GMPR: variants seen among roughly 807,000 people sequenced by gnomAD.
GMPR encodes guanosine monophosphate reductase.
A neutral mutation model predicts 38.4 loss-of-function variants in GMPR; 31 were observed. The observed-to-expected ratio is 0.81, with a 90% confidence interval of 0.61 to 1.09. The LOEUF (loss-of-function observed/expected upper bound fraction) is 1.09, where lower values mean the gene tolerates loss of function less well. GMPR is among the 50% of genes least tolerant of loss of function. The pLI, the probability that GMPR is intolerant of heterozygous loss-of-function variation, is 0.00. For missense variants in GMPR, 468 were observed against 453.7 expected, an observed-to-expected ratio of 1.03 and a Z score of -0.29; for synonymous variants, 162 against 173.3, an observed-to-expected ratio of 0.93 and a Z score of 0.51.
intron 2 of GMPR, among the ~76,000 whole-genome samples, chr6:16,249,007 A>T (rs1758812192): frequency 6.6e-6 from 1 of 152,100 alleles, no homozygotes; most frequent in Non-Finnish European, 1.5e-5. Context: ...AAAGTCATAG[A>T]AGTTTAGAAT....
At chr6:16,266,385 C>T (rs1429153404) in intron 4 of GMPR, among the ~76,000 whole-genome samples, 6 of 106,296 alleles carry the variant, frequency 5.6e-5, no homozygotes, top group East Asian at 3.0e-4. Flanking sequence ...GGTGGCACGT[C>T]GGACGTGCCA....
intron 4 of GMPR, chr6:16,262,225 AG>A (rs934128612): frequency 2.6e-5 from 4 of 151,588 alleles, no homozygotes; most frequent in Non-Finnish European, 5.9e-5. Flanking sequence ...ATGGTCTTGT[AG>A]GGGGCTTCCG....
chr6:16,285,093 G>C (rs1348676538), intron 6 of GMPR, among the ~76,000 whole-genome samples: 1 of 147,502 alleles, frequency 6.8e-6, no homozygotes, highest in African/African-American at 2.5e-5. Context: ...TAGAAGACTT[G>C]TACTGTGTAG....
chr6:16,242,149 A>G (rs1269852916), intron 1 of GMPR, among the ~76,000 whole-genome samples: 1 of 152,216 alleles, frequency 6.6e-6, no homozygotes, highest in Non-Finnish European at 1.5e-5. Context: ...AGGACAGAGA[A>G]GACACAACAG....
At chr6:16,239,194 TTGC>T (rs1485074529) in intron 1 of GMPR, among the ~76,000 whole-genome samples, 3 of 152,122 alleles carry the variant, frequency 2.0e-5, no homozygotes, top group African/African-American at 7.2e-5. Flanking sequence ...GTGCTGATAA[TTGC>T]TGCTGCTTTC....
intron 8 of GMPR, among the ~76,000 whole-genome samples, chr6:16,291,063 G>A (rs994335480): frequency 3.9e-5 from 6 of 152,224 alleles, no homozygotes; most frequent in South Asian, 2.1e-4. Context: ...ACCACTGCAC[G>A]GTGGCCAGGC....
At chr6:16,267,645 G>A (rs1442171974) in intron 4 of GMPR, among the ~76,000 whole-genome samples, 1 of 152,164 alleles carries the variant, frequency 6.6e-6, no homozygotes, top group Non-Finnish European at 1.5e-5. Context: ...GCAGCCGAAG[G>A]TCTGTGGCTC....
intron 6 of GMPR, among the ~76,000 whole-genome samples, chr6:16,283,626 T>C (rs2113700448): frequency 6.6e-6 from 1 of 152,308 alleles, no homozygotes; most frequent in Non-Finnish European, 1.5e-5. Flanking sequence ...TTGTATTAAC[T>C]GTGGATCTCT....
chr6:16,243,031 AT>A (rs1484458263), intron 1 of GMPR, among the ~76,000 whole-genome samples: 10 of 151,968 alleles, frequency 6.6e-5, no homozygotes, highest in African/African-American at 1.9e-4. Flanking sequence ...GTAAGGTCAC[AT>A]TTACAGGTAC....
chr6:16,286,852 G>A (rs1386877785), intron 7 of GMPR, among the ~76,000 whole-genome samples: 1 of 152,060 alleles, frequency 6.6e-6, no homozygotes, highest in East Asian at 1.9e-4. Context: ...GTTGCAGTGA[G>A]CCAAGATCAC....
chr6:16,266,655 G>GA (rs1389039115), intron 4 of GMPR, among the ~76,000 whole-genome samples: 1 of 151,550 alleles, frequency 6.6e-6, no homozygotes, highest in African/African-American at 2.4e-5. Context: ...ACAAAAAAAA[G>GA]AAAAAATTAG....
intron 6 of GMPR, among the ~76,000 whole-genome samples, chr6:16,283,875 C>T (rs757597744): frequency 4.6e-5 from 7 of 152,098 alleles, no homozygotes; most frequent in Non-Finnish European, 7.3e-5. Flanking sequence ...CTGTGTAGAG[C>T]TGGTTTTGAT....
At chr6:16,248,364 G>A (rs891035356) in intron 2 of GMPR, among the ~76,000 whole-genome samples, 4 of 150,940 alleles carry the variant, frequency 2.7e-5, no homozygotes, top group Non-Finnish European at 5.9e-5. Flanking sequence ...AAACCCATTT[G>A]TGGGCAGGAC....
chr6:16,256,521 T>C (rs1581650842), intron 4 of GMPR, among the ~76,000 whole-genome samples: 1 of 120,744 alleles, frequency 8.3e-6, no homozygotes. Flanking sequence ...AGAGTGAGAC[T>C]CTGTCTCAAA....
intron 4 of GMPR, among the ~76,000 whole-genome samples, chr6:16,272,720 T>C (rs1235995059): frequency 3.9e-5 from 6 of 152,274 alleles, no homozygotes; most frequent in Admixed American, 6.5e-5. Context: ...AGAGCTCTTA[T>C]TATGTTAAGG....
chr6:16,280,024 G>A (rs1467706688), intron 6 of GMPR, among the ~76,000 whole-genome samples: 2 of 152,224 alleles, frequency 1.3e-5, no homozygotes, highest in Non-Finnish European at 2.9e-5. Flanking sequence ...TGTCGGCAAT[G>A]GAGTAGGTGC....
At chr6:16,247,773 C>A (rs1158908454) in intron 2 of GMPR, among the ~76,000 whole-genome samples, 1 of 139,376 alleles carries the variant, frequency 7.2e-6, no homozygotes, top group Non-Finnish European at 1.5e-5. Flanking sequence ...TTGCCCTAGG[C>A]CCTCAGCCAG....
At chr6:16,291,700 C>T (rs897166199) in intron 8 of GMPR, among the ~76,000 whole-genome samples, 5 of 152,144 alleles carry the variant, frequency 3.3e-5, no homozygotes, top group South Asian at 4.2e-4. Context: ...TGCTTGAGAC[C>T]GGGAGTTCCA....
chr6:16,289,265 T>C lies in GMPR; in HGVS notation c.698-1197T>C, dbSNP rs148566262. 6.2e-4 allele frequency among the ~76,000 whole-genome samples: 94 copies of C among 152,186 alleles called. 1 individual carries two copies. The East Asian group carries it at 0.017, about 27-fold the overall frequency. ...AGCTGTTACACTCACAGTGAGAGTC[T>C]ATGGCTTCATTCTTGAAGTCAGTGA... On this transcript the variant is annotated intron_variant, in intron 7 of 8. Transcript: ENST00000259727.
Sources: allele counts gnomAD v4.1 joint callset (sites outside exome capture counted in the v4.1 genomes callset), GRCh38; gene constraint gnomAD v4.1.1; transcripts MANE v1.5; gene names NCBI Gene and HGNC (gene_info 2026-07-23, HGNC 2026-07-21).